Variants in FAM107B observed in about 807,000 individuals in gnomAD.
FAM107B encodes family with sequence similarity 107 member B.
Under a neutral mutation model 31.5 loss-of-function variants are expected in FAM107B, and 21 were observed. That is an observed-to-expected ratio of 0.67 (90% CI 0.47 to 0.96). FAM107B has a LOEUF of 0.96. FAM107B is among the 40% of genes least tolerant of loss of function. The probability of loss-of-function intolerance (pLI) is 0.00; values close to 1 mark genes in which losing one functional copy is unlikely to be tolerated. For synonymous variants in FAM107B, 157 were observed against 141.5 expected (o/e 1.11, Z -0.78); for missense variants, 452 against 377.1 (o/e 1.20, Z -1.64).
chr10:14,706,930 C>A (rs1855533700), intron 1 of FAM107B, among the ~76,000 whole-genome samples: 1 of 152,042 alleles, frequency 6.6e-6, no homozygotes, highest in African/African-American at 2.4e-5. Context: ...ATCGAGACCA[C>A]CCTGGCTAAC....
chr10:14,572,032 C>A (rs1851269175), intron 2 of FAM107B: 2 of 985,244 alleles, frequency 2.0e-6, no homozygotes, highest in Non-Finnish European at 2.4e-6. Flanking sequence ...AAGAAAAGCA[C>A]CCAAAACAAG....
intron 2 of FAM107B, among the ~76,000 whole-genome samples, chr10:14,598,874 A>C (rs753857445): frequency 5.3e-5 from 8 of 152,152 alleles, no homozygotes; most frequent in Non-Finnish European, 8.8e-5. Flanking sequence ...CTAGAGCTCA[A>C]GGGGTTACGG....
intron 2 of FAM107B, among the ~76,000 whole-genome samples, chr10:14,530,942 T>C (rs1410366096): frequency 6.6e-6 from 1 of 152,238 alleles, no homozygotes; most frequent in African/African-American, 2.4e-5. Context: ...GAGGGGCCTA[T>C]AAACTAAAGC....
At chr10:14,552,723 GGAGGCT>G (rs1177710665) in intron 2 of FAM107B, among the ~76,000 whole-genome samples, 1 of 152,066 alleles carries the variant, frequency 6.6e-6, no homozygotes, top group Non-Finnish European at 1.5e-5. Context: ...CAGCTACTTG[GGAGGCT>G]GAGGCCCGAG....
At chr10:14,630,845 G>A (rs921646014) in intron 2 of FAM107B, among the ~76,000 whole-genome samples, 2 of 151,616 alleles carry the variant, frequency 1.3e-5, no homozygotes, top group East Asian at 1.9e-4. Flanking sequence ...GGGAGACCCC[G>A]TCTCAAAAAT....
chr10:14,731,374 C>G (rs1314450243), intron 1 of FAM107B, among the ~76,000 whole-genome samples: 1 of 152,030 alleles, frequency 6.6e-6, no homozygotes, highest in Non-Finnish European at 1.5e-5. Flanking sequence ...CCAGCCTGAC[C>G]AACATGGTGA....
chr10:14,616,707 G>C (rs1338040552), intron 2 of FAM107B, among the ~76,000 whole-genome samples: 2 of 152,232 alleles, frequency 1.3e-5, no homozygotes, highest in East Asian at 3.9e-4. Context: ...CAGATCGCTT[G>C]AGCCCAGGAG....
chr10:14,669,109 T>C (rs1854478268), intron 1 of FAM107B, among the ~76,000 whole-genome samples: 1 of 152,160 alleles, frequency 6.6e-6, no homozygotes, highest in Non-Finnish European at 1.5e-5. Context: ...GGCTGACACC[T>C]GTAATCCTAG....
At chr10:14,528,079 T>C (rs562739929) in intron 3 of FAM107B, 9 of 375,862 alleles carry the variant, frequency 2.4e-5, no homozygotes, top group Admixed American at 1.8e-4. Context: ...GAAATTCCAG[T>C]TGTTGTCACA....
chr10:14,519,076 T>C lies in FAM107B; in HGVS notation c.*2114A>G, dbSNP rs1845389972. The C allele has an allele frequency of 6.6e-6, 1 of 152,352 alleles. No homozygotes were observed. Among genetic ancestry groups the C allele is most frequent in the South Asian group, 2.1e-4 (1 of 4,834 alleles). 9.4% of individuals were successfully genotyped at this position (152,352 alleles called of 1,614,324 possible). ...CACTTTACGCTATTTACAAGTCTCC[T>C]TTTGGCCAGATTTTGTATTACTAAT... On this transcript the variant is annotated 3_prime_UTR_variant, in exon 5 of 5. Transcript: ENST00000181796.
intron 2 of FAM107B, among the ~76,000 whole-genome samples, chr10:14,570,956 A>G (rs777521715): frequency 7.2e-5 from 11 of 151,976 alleles, no homozygotes; most frequent in Admixed American, 1.3e-4. Flanking sequence ...CTAAAATCAA[A>G]TATGTCTTAG....
chr10:14,656,554 T>G (rs1354589318), intron 2 of FAM107B, among the ~76,000 whole-genome samples: 2 of 152,132 alleles, frequency 1.3e-5, no homozygotes, highest in East Asian at 3.9e-4. Flanking sequence ...AAGTTCTTCT[T>G]TTTATACCAA....
At chr10:14,655,945 C>T (rs1025005774) in intron 2 of FAM107B, among the ~76,000 whole-genome samples, 3 of 152,108 alleles carry the variant, frequency 2.0e-5, no homozygotes, top group Non-Finnish European at 4.4e-5. Flanking sequence ...GAGAGGCATG[C>T]AGGTGCCAGA....
intron 1 of FAM107B, among the ~76,000 whole-genome samples, chr10:14,706,760 T>C (rs971455448): frequency 6.6e-6 from 1 of 152,198 alleles, no homozygotes; most frequent in Non-Finnish European, 1.5e-5. Flanking sequence ...CCAATTGATA[T>C]TGCCAATAAA....
At chr10:14,604,256 A>G (rs1199951984) in intron 2 of FAM107B, 6 of 978,758 alleles carry the variant, frequency 6.1e-6, no homozygotes, top group Non-Finnish European at 7.3e-6. Context: ...GCGCGCACAA[A>G]GGCGCGCGGC....
At chr10:14,654,900 G>C (rs149198710) in intron 2 of FAM107B, among the ~76,000 whole-genome samples, 1 of 152,284 alleles carries the variant, frequency 6.6e-6, no homozygotes, top group African/African-American at 2.4e-5. Context: ...ATTTTAAGAA[G>C]CTTGAGAATG....
chr10:14,663,212 G>GGAC (rs1854294993), intron 2 of FAM107B, among the ~76,000 whole-genome samples: 1 of 152,220 alleles, frequency 6.6e-6, no homozygotes, highest in South Asian at 2.1e-4. Context: ...TGGCTTCCTT[G>GGAC]TTCCTCAGCT....
chr10:14,733,991 T>C lies in FAM107B; in HGVS notation c.411+40262A>G, dbSNP rs558782232. 8.5e-5 allele frequency among the ~76,000 whole-genome samples: 13 copies of C among 152,322 alleles called. No homozygotes were observed. The South Asian group carries it at 2.3e-3, about 27-fold the overall frequency. On this transcript the variant is annotated intron_variant, in intron 1 of 4. Transcript: ENST00000181796. ...GAGGAGAACAGGTACCGAAGCAACG[T>C]GTTCAACTCTTGAGCCACTGAATTA...
chr10:14,758,823 C>G (rs909423306), intron 1 of FAM107B, among the ~76,000 whole-genome samples: 1 of 141,204 alleles, frequency 7.1e-6, no homozygotes, highest in Admixed American at 7.7e-5. Context: ...CTAAAGTGAG[C>G]TAGGGTCACC....
Sources: gnomAD v4.1 joint callset for allele counts (sites outside exome capture counted in the v4.1 genomes callset) on GRCh38, gnomAD v4.1.1 for gene constraint, MANE v1.5 for transcripts, NCBI Gene and HGNC (gene_info 2026-07-23, HGNC 2026-07-21) for gene names.